CFAP57: variants seen among roughly 807,000 people sequenced by gnomAD.
CFAP57 encodes cilia and flagella associated protein 57, also known as cilia- and flagella-associated protein 57.
Under a neutral mutation model 146.8 loss-of-function variants are expected in CFAP57, and 116 were observed. The observed-to-expected ratio is 0.79, with a 90% CI of 0.68 to 0.92. The LOEUF is 0.92. Among genes scored for constraint, CFAP57 ranks in the 40% least tolerant of loss-of-function variants. The probability of loss-of-function intolerance (pLI) is 0.00; values close to 1 mark genes in which losing one functional copy is unlikely to be tolerated. For synonymous variants in CFAP57, 518 were observed against 552.8 expected, an observed-to-expected ratio of 0.94 and a Z score of 0.88; for missense variants, 1,377 against 1,527.2, an observed-to-expected ratio of 0.90 and a Z score of 1.64.
At chr1:43,253,893 G>T in intron 22 of CFAP57, 84 bp from the exon 23 acceptor site, 1 of 1,252,786 alleles carries the variant, frequency 8.0e-7, no homozygotes, top group East Asian at 2.5e-5. Flanking sequence ...ATAAATGTTT[G>T]AGGAAGCAGG....
At chr1:43,175,577 C>G (rs1047683503) in intron 2 of CFAP57, among the ~76,000 whole-genome samples, 1 of 152,010 alleles carries the variant, frequency 6.6e-6, no homozygotes. Context: ...CTGGCACAAT[C>G]ATAGCTCACA....
At chr1:43,207,658 A>G (rs558661982) in intron 10 of CFAP57, among the ~76,000 whole-genome samples, 2 of 152,316 alleles carry the variant, frequency 1.3e-5, no homozygotes, top group South Asian at 2.1e-4. Flanking sequence ...GAAATCCCCA[A>G]ACTCTGAAAC....
At chr1:43,231,024 C>T (rs78019374) in intron 18 of CFAP57, among the ~76,000 whole-genome samples, 2,527 of 152,324 alleles carry the variant, frequency 0.017, 61 homozygotes, top group African/African-American at 0.058. Context: ...CTTATCTTGT[C>T]ATTCCTCTTC....
intron 21 of CFAP57, among the ~76,000 whole-genome samples, chr1:43,237,074 C>T (rs1339446470): frequency 6.6e-6 from 1 of 152,106 alleles, no homozygotes; most frequent in African/African-American, 2.4e-5. Context: ...GTGGATGGCA[C>T]AACTGATTCC....
intron 22 of CFAP57, 62 bp downstream of exon 22, chr1:43,243,421 G>C: frequency 7.0e-7 from 1 of 1,435,714 alleles, no homozygotes; most frequent in South Asian, 1.5e-5. Flanking sequence ...GGCAGCTGCA[G>C]GCAGGTCTCC....
intron 10 of CFAP57, 64 bp from the exon 11 acceptor site, chr1:43,209,679 T>C: frequency 1.3e-6 from 2 of 1,492,038 alleles, no homozygotes; most frequent in Non-Finnish European, 1.9e-6. Flanking sequence ...CGAGAGAGTA[T>C]GGCACTGGGA....
At position 43,201,913 on chromosome 1, in the gene CFAP57, C is replaced by A. The variant is rs891688593; in HGVS notation, c.1542+2410C>A. Among the ~76,000 whole-genome samples, 1 of 152,052 alleles carries A rather than the reference C, an allele frequency of 6.6e-6. No homozygotes were observed. Among genetic ancestry groups the A allele is most frequent in the South Asian group, 2.1e-4 (1 of 4,818 alleles). ...TACAGGCGTGAGCCACCGCGCCTGG[C>A]CCACGGACATTATTAATGAGAGCTG... On this transcript the variant is annotated intron_variant, in intron 9 of 22. Coordinates refer to ENST00000372492, the MANE Select transcript of CFAP57 (RefSeq NM_001378189.1). This position sits in a 1 kb window ranked among gnomAD's most constrained non-coding sequence, Gnocchi z 4.4.
At chr1:43,249,906 G>T (rs1470300344) in intron 22 of CFAP57, among the ~76,000 whole-genome samples, 2 of 152,038 alleles carry the variant, frequency 1.3e-5, no homozygotes, top group Non-Finnish European at 2.9e-5. Context: ...TTTTGTTTTG[G>T]CTAGATTAAC....
chr1:43,217,407 T>C (rs1017586451), intron 12 of CFAP57, among the ~76,000 whole-genome samples: 1 of 152,150 alleles, frequency 6.6e-6, no homozygotes, highest in African/African-American at 2.4e-5. Flanking sequence ...TGGATAAATA[T>C]ATCCCACTAG....
intron 18 of CFAP57, among the ~76,000 whole-genome samples, chr1:43,229,388 G>A (rs1203376259): frequency 6.7e-6 from 1 of 148,612 alleles, no homozygotes; most frequent in Non-Finnish European, 1.5e-5. Flanking sequence ...TTTCGCTGGT[G>A]CCAGTTGCTG....
chr1:43,210,749 A>G (rs1476291790), intron 11 of CFAP57: 3 of 152,674 alleles, frequency 2.0e-5, no homozygotes, highest in African/African-American at 7.2e-5. Context: ...GTTGGTGGCA[A>G]TGGCTGCACA....
chr1:43,234,665 G>A (rs1421210642), intron 21 of CFAP57, 27 bp downstream of exon 21: 1 of 1,535,986 alleles, frequency 6.5e-7, no homozygotes, highest in Non-Finnish European at 8.8e-7. Flanking sequence ...CTCAGCCCCT[G>A]TGGAGGCCAA....
intron 21 of CFAP57, 100 bp downstream of exon 21, chr1:43,234,738 C>T: frequency 1.4e-6 from 2 of 1,398,424 alleles, no homozygotes; most frequent in Non-Finnish European, 1.9e-6. Context: ...CAGGGCTCCC[C>T]AGGTGTCTGG....
intron 19 of CFAP57, among the ~76,000 whole-genome samples, chr1:43,233,480 C>G (rs1220148542): frequency 6.8e-6 from 1 of 147,136 alleles, no homozygotes; most frequent in African/African-American, 2.6e-5. Context: ...CAGAGCAAGA[C>G]TCCGTCTAAA....
rs1645619453 is a variant in CFAP57, at chr1:43,234,694, T to A, written c.3405+56T>A. The A allele has an allele frequency of 7.3e-6, 11 of 1,512,996 alleles. No homozygotes were observed. In the South Asian group the frequency reaches 1.1e-4, roughly 16 times the overall value. 93.7% of individuals were successfully genotyped at this position (1,512,996 alleles called of 1,614,324 possible). A position where few individuals can be genotyped will look rare whatever the true frequency, so the allele number is the denominator to read the frequency against. On this transcript the variant is annotated intron_variant, in intron 21 of 22. Transcript: ENST00000372492. ...AGGCCAAGCCATCCAAGATGAGAGA[T>A]CCCATCAAGGGTCCCTCTGAGACCA...
chr1:43,252,112 A>C (rs1368831883), intron 22 of CFAP57, among the ~76,000 whole-genome samples: 2 of 152,190 alleles, frequency 1.3e-5, no homozygotes, highest in African/African-American at 4.8e-5. Context: ...TTGCAGGCAC[A>C]TTTTTATTTT....
chr1:43,175,520 AT>A (rs1231330137), intron 2 of CFAP57, among the ~76,000 whole-genome samples: 3 of 151,000 alleles, frequency 2.0e-5, no homozygotes, highest in Admixed American at 1.3e-4. Flanking sequence ...TTATTTATTT[AT>A]TTTTTAAGAA....
chr1:43,199,253 A>T, intron 8 of CFAP57, 137 bp from the exon 9 acceptor site: 1 of 820,972 alleles, frequency 1.2e-6, no homozygotes, highest in East Asian at 2.4e-5. Flanking sequence ...CCTCAGTCTC[A>T]TTTGCACCTT....
intron 13 of CFAP57, 99 bp from the exon 14 acceptor site, chr1:43,221,273 G>C (rs764462195): frequency 2.5e-6 from 2 of 786,412 alleles, no homozygotes; most frequent in Non-Finnish European, 3.9e-6. Context: ...CTTGAGAAAT[G>C]TTTGTGAGTG....
Sources: gnomAD v4.1 joint callset for allele counts (sites outside exome capture counted in the v4.1 genomes callset) on GRCh38, gnomAD v4.1.1 for gene constraint, Gnocchi (gnomAD v3.1) non-coding constraint, MANE v1.5 for transcripts, NCBI Gene and HGNC (gene_info 2026-07-23, HGNC 2026-07-21) for gene names.